Variants in COP1 observed in about 807,000 individuals in gnomAD.
COP1 encodes COP1 E3 ubiquitin ligase, also known as E3 ubiquitin-protein ligase COP1.
A neutral mutation model predicts 101.3 loss-of-function variants in COP1; 24 were observed. The observed-to-expected ratio is 0.24, with a 90% CI of 0.17 to 0.33. The LOEUF is 0.33. Ranked by LOEUF, COP1 falls within the 10% of genes least tolerant of loss-of-function variation. The pLI is 1.00. For missense variants in COP1, 663 were observed against 906.2 expected, an observed-to-expected ratio of 0.73 and a Z score of 3.45; for synonymous variants, 347 against 341.9, an observed-to-expected ratio of 1.01 and a Z score of -0.17.
chr1:176,026,424 C>T (rs1667671673), intron 15 of COP1, among the ~76,000 whole-genome samples: 1 of 152,022 alleles, frequency 6.6e-6, no homozygotes, highest in Admixed American at 6.6e-5. Context: ...AACAGCTCTA[C>T]CTCTATGTTA....
intron 9 of COP1, among the ~76,000 whole-genome samples, chr1:176,107,830 T>C (rs1394573367): frequency 2.0e-5 from 3 of 152,300 alleles, no homozygotes; most frequent in East Asian, 1.9e-4. Context: ...AGGACTACTA[T>C]AGTATTCCTG....
At chr1:176,177,568 ATTCAGGT>A (rs952521268) in intron 2 of COP1, among the ~76,000 whole-genome samples, 15 of 152,094 alleles carry the variant, frequency 9.9e-5, no homozygotes, top group Admixed American at 9.2e-4. Flanking sequence ...GATGTCTTTA[ATTCAGGT>A]TTCTATAATA....
chr1:176,127,254 A>G (rs1391712917), intron 8 of COP1, among the ~76,000 whole-genome samples: 1 of 152,166 alleles, frequency 6.6e-6, no homozygotes, highest in Non-Finnish European at 1.5e-5. Flanking sequence ...ACAATTTATT[A>G]TTATTAATTA....
intron 19 of COP1, among the ~76,000 whole-genome samples, chr1:175,946,925 C>T (rs1330916691): frequency 2.6e-5 from 4 of 152,182 alleles, no homozygotes; most frequent in African/African-American, 9.7e-5. Context: ...TGTGCTTAGC[C>T]CACAGTGAAT....
chr1:176,206,028 G>A (rs1700808391), intron 1 of COP1, among the ~76,000 whole-genome samples: 1 of 152,156 alleles, frequency 6.6e-6, no homozygotes, highest in South Asian at 2.1e-4. Flanking sequence ...CATACGATAG[G>A]TACTTACATT....
In COP1 at chr1:175,976,270, CTTTTTTTTTTTTTTTT is replaced by C. The variant is rs10694480; in HGVS notation, c.2133+10657_2133+10672del. On this transcript the variant is annotated intron_variant, in intron 18 of 19. Coordinates refer to ENST00000367669, the MANE Select transcript of COP1 (RefSeq NM_022457.7). ...TAAGTCTCTATATCAATTAGTCATT[CTTTTTTTTTTTTTTTT>C]TTTTTTTTTTAGACAGAGTCTTGCT... Among the ~76,000 whole-genome samples, 5 of 56,834 alleles carry C rather than the reference CTTTTTTTTTTTTTTTT, an allele frequency of 8.8e-5. No individual in the cohort carries two copies. In the Admixed American group the frequency reaches 9.9e-4, roughly 11 times the overall value. The allele number at this position is 56,834 out of a possible 152,430, so 37.3% of individuals were successfully genotyped here. A position where few individuals can be genotyped will look rare whatever the true frequency, so the allele number is the denominator to read the frequency against.
chr1:176,181,264 G>T (rs915043375), intron 2 of COP1, among the ~76,000 whole-genome samples: 1 of 152,104 alleles, frequency 6.6e-6, no homozygotes, highest in Non-Finnish European at 1.5e-5. Flanking sequence ...GTAATAATTT[G>T]GATGAGCTTT....
At chr1:176,127,284 C>A (rs969324037) in intron 8 of COP1, among the ~76,000 whole-genome samples, 5 of 152,122 alleles carry the variant, frequency 3.3e-5, no homozygotes, top group African/African-American at 1.2e-4. Flanking sequence ...TGTTGCACAA[C>A]AGAACACCAG....
chr1:175,955,208 C>G (rs938023007), intron 18 of COP1, among the ~76,000 whole-genome samples: 1 of 152,064 alleles, frequency 6.6e-6, no homozygotes, highest in African/African-American at 2.4e-5. Flanking sequence ...TGTCACTGTA[C>G]TCTCGCCTGG....
Position 175,994,843 on chromosome 1 carries a change from G to A in COP1, c.1730-5364C>T, listed in dbSNP as rs1659693994. ...CAACATTAGACAGATCAATGAGACA[G>A]AAAGTCAACAAGGATATCCAGGAAT... is the stretch of plus-strand genomic sequence containing the variant. On this transcript the variant is annotated intron_variant, in intron 15 of 19. Coordinates refer to ENST00000367669, the MANE Select transcript of COP1 (RefSeq NM_022457.7). Among the ~76,000 whole-genome samples the A allele has an allele frequency of 2.6e-5, 4 of 152,166 alleles. 1 individual carries two copies. The South Asian group carries it at 8.3e-4, about 31-fold the overall frequency.
At chr1:176,032,517 T>A (rs1333955241) in intron 14 of COP1, among the ~76,000 whole-genome samples, 1 of 152,104 alleles carries the variant, frequency 6.6e-6, no homozygotes, top group African/African-American at 2.4e-5. Context: ...GCAGGTAAGC[T>A]GGGTAGTTGT....
intron 18 of COP1, among the ~76,000 whole-genome samples, chr1:175,972,713 G>A (rs974549495): frequency 1.3e-5 from 2 of 152,096 alleles, no homozygotes; most frequent in South Asian, 2.1e-4. Context: ...TGATCTGCCC[G>A]CCTCGACCTC....
intron 5 of COP1, among the ~76,000 whole-genome samples, chr1:176,155,122 A>C (rs1243422198): frequency 6.6e-6 from 1 of 152,132 alleles, no homozygotes; most frequent in African/African-American, 2.4e-5. Context: ...AGTTAAAAAA[A>C]ATTAGTGTTT....
At chr1:176,096,940 C>T (rs1383849037) in intron 9 of COP1, among the ~76,000 whole-genome samples, 4 of 152,114 alleles carry the variant, frequency 2.6e-5, no homozygotes, top group African/African-American at 9.7e-5. Context: ...GCCCGGGGTT[C>T]GATCCTGGCT....
At chr1:176,118,887 A>G (rs1686641015) in intron 8 of COP1, among the ~76,000 whole-genome samples, 1 of 152,252 alleles carries the variant, frequency 6.6e-6, no homozygotes, top group South Asian at 2.1e-4. Context: ...AAAAAATATC[A>G]CAAGTACCCT....
chr1:175,973,478 C>T (rs1202375442), intron 18 of COP1, among the ~76,000 whole-genome samples: 1 of 152,134 alleles, frequency 6.6e-6, no homozygotes, highest in Non-Finnish European at 1.5e-5. Flanking sequence ...TTACTGCATG[C>T]AGAGCTACAA....
At chr1:176,158,138 A>G (rs1001486434) in intron 5 of COP1, among the ~76,000 whole-genome samples, 8 of 152,270 alleles carry the variant, frequency 5.3e-5, no homozygotes, top group Admixed American at 4.6e-4. Context: ...TAATCAAAAC[A>G]CTTACACCCA....
intron 18 of COP1, among the ~76,000 whole-genome samples, chr1:175,967,251 A>G (rs1321000665): frequency 6.6e-6 from 1 of 152,194 alleles, no homozygotes; most frequent in Non-Finnish European, 1.5e-5. Context: ...ACCTCAGGTG[A>G]TCCACCCGCC....
At chr1:176,096,081 C>A (rs1473616919) in intron 9 of COP1, among the ~76,000 whole-genome samples, 1 of 152,132 alleles carries the variant, frequency 6.6e-6, no homozygotes. Flanking sequence ...TTTCCTCATC[C>A]TTCTAGGTGT....
Sources: allele counts gnomAD v4.1 joint callset (sites outside exome capture counted in the v4.1 genomes callset), GRCh38; gene constraint gnomAD v4.1.1; transcripts MANE v1.5; gene names NCBI Gene and HGNC (gene_info 2026-07-23, HGNC 2026-07-21).